Variants in CNTNAP2 observed in about 807,000 individuals in gnomAD.
CNTNAP2 encodes the protein contactin-associated protein-like 2.
In CNTNAP2, 98 loss-of-function variants were observed where a neutral mutation model predicts 155.2. The ratio of observed to expected loss-of-function variants is 0.63; its 90% CI spans 0.54 to 0.75. The LOEUF (loss-of-function observed/expected upper bound fraction) is 0.75, where lower values mean the gene tolerates loss of function less well. Among genes scored for constraint, CNTNAP2 ranks in the 30% least tolerant of loss-of-function variants. CNTNAP2 has a pLI of 0.00. For synonymous variants in CNTNAP2, 651 were observed against 631.2 expected (o/e 1.03, Z -0.47); for missense variants, 1,727 against 1,688.1 (o/e 1.02, Z -0.40).
At chr7:146,345,796 G>T (rs548920871) in intron 1 of CNTNAP2, among the ~76,000 whole-genome samples, 2 of 152,222 alleles carry the variant, frequency 1.3e-5, no homozygotes, top group East Asian at 1.9e-4. Flanking sequence ...AAATGTAAAG[G>T]GTAAATGAAG....
At chr7:147,057,092 A>AC (rs1474777505) in intron 4 of CNTNAP2, among the ~76,000 whole-genome samples, 1 of 152,028 alleles carries the variant, frequency 6.6e-6, no homozygotes, top group Non-Finnish European at 1.5e-5. Context: ...GAGCCACTGC[A>AC]CCAGGCCAAG....
chr7:147,333,207 G>A (rs1404701), intron 9 of CNTNAP2, among the ~76,000 whole-genome samples: 28,842 of 152,066 alleles, frequency 0.19, 2,974 homozygotes, highest in South Asian at 0.36. Flanking sequence ...TAAAGTTCCT[G>A]TTCCAGAGAA....
chr7:146,247,573 A>G (rs1455982038), intron 1 of CNTNAP2, among the ~76,000 whole-genome samples: 2 of 152,200 alleles, frequency 1.3e-5, no homozygotes, highest in East Asian at 3.9e-4. Flanking sequence ...ATGCACTGAC[A>G]TGTAAAAGAG....
In CNTNAP2 at chr7:147,693,531, G is replaced by A. The variant is rs757797671; in HGVS notation, c.2098+54225G>A. 2.2e-4 allele frequency among the ~76,000 whole-genome samples: 34 copies of A among 151,572 alleles called. 2 individuals carry two copies. The highest frequency in any genetic ancestry group is 6.6e-5 in the Admixed American group (1 of 15,220). On this transcript the variant is annotated intron_variant, in intron 13 of 23. Transcript: ENST00000361727. Reference sequence around the variant, plus strand: ...CTCATCAGAGTTTTATAGTTTTCCTGTTATAGCTCTTGTGCATATTTTGTT... The same window carrying A: ...CTCATCAGAGTTTTATAGTTTTCCTATTATAGCTCTTGTGCATATTTTGTT...
chr7:147,983,949 G>A (rs1297167929), intron 15 of CNTNAP2, among the ~76,000 whole-genome samples: 1 of 152,144 alleles, frequency 6.6e-6, no homozygotes, highest in Non-Finnish European at 1.5e-5. Context: ...ATCTAGTTAT[G>A]TTGATAGAGA....
chr7:147,898,961 C>T (rs530236321), intron 13 of CNTNAP2, among the ~76,000 whole-genome samples: 1 of 85,994 alleles, frequency 1.2e-5, no homozygotes, highest in East Asian at 3.2e-4. Flanking sequence ...TCACATATTG[C>T]AAAATGTCTT....
intron 18 of CNTNAP2, among the ~76,000 whole-genome samples, chr7:148,189,726 G>A (rs1417961308): frequency 6.6e-6 from 1 of 152,208 alleles, no homozygotes; most frequent in African/African-American, 2.4e-5. Context: ...AAAATGGACT[G>A]AGACAGGCTG....
At chr7:147,272,477 A>G (rs951675849) in intron 8 of CNTNAP2, among the ~76,000 whole-genome samples, 3 of 152,048 alleles carry the variant, frequency 2.0e-5, no homozygotes, top group Non-Finnish European at 4.4e-5. Flanking sequence ...CCTTCAGCCT[A>G]TGCTTTTCTC....
chr7:146,774,522 T>C, intron 2 of CNTNAP2, 141 bp downstream of exon 2: 1 of 658,088 alleles, frequency 1.5e-6, no homozygotes. Context: ...AAAAGATCCA[T>C]AGATGCCATT....
intron 1 of CNTNAP2, among the ~76,000 whole-genome samples, chr7:146,444,496 A>C (rs2129120605): frequency 6.6e-6 from 1 of 152,246 alleles, no homozygotes; most frequent in Non-Finnish European, 1.5e-5. Flanking sequence ...CCTGGACTGG[A>C]TACATCTGCT....
chr7:146,293,399 A>G (rs1284955621), intron 1 of CNTNAP2, among the ~76,000 whole-genome samples: 1 of 152,222 alleles, frequency 6.6e-6, no homozygotes, highest in Non-Finnish European at 1.5e-5. Context: ...TATAATTAAT[A>G]GTTTGACCTA....
intron 1 of CNTNAP2, chr7:146,311,698 GAAAT>G (rs561340576): frequency 0.037 from 5,409 of 147,360 alleles, 133 homozygotes; most frequent in Non-Finnish European, 0.052. Context: ...AGAAAAGAAA[GAAAT>G]AAAGAAAGAA....
intron 15 of CNTNAP2, among the ~76,000 whole-genome samples, chr7:148,082,858 T>C (rs1387976513): frequency 6.6e-6 from 1 of 152,084 alleles, no homozygotes; most frequent in East Asian, 1.9e-4. Context: ...TTTGTATTTT[T>C]AGTAGAGATG....
chr7:148,091,710 A>T (rs1803844689), intron 15 of CNTNAP2, among the ~76,000 whole-genome samples: 1 of 152,200 alleles, frequency 6.6e-6, no homozygotes, highest in Non-Finnish European at 1.5e-5. Context: ...CATACCATTT[A>T]TCAGCATGTC....
intron 1 of CNTNAP2, among the ~76,000 whole-genome samples, chr7:146,168,976 C>T (rs1798351665): frequency 6.6e-6 from 1 of 152,186 alleles, no homozygotes; most frequent in Non-Finnish European, 1.5e-5. Context: ...CAGCTCCAGC[C>T]GCAGTGGCCT....
chr7:147,449,816 A>G (rs1797800439), intron 10 of CNTNAP2, among the ~76,000 whole-genome samples: 1 of 152,354 alleles, frequency 6.6e-6, no homozygotes, highest in African/African-American at 2.4e-5. Context: ...TTAGAAATTC[A>G]GATGTGAAAA....
In CNTNAP2 at chr7:148,137,471, C is replaced by A. The variant is rs184266683; in HGVS notation, c.2555-10020C>A. On this transcript the variant is annotated intron_variant, in intron 16 of 23. Coordinates refer to ENST00000361727, the MANE Select transcript of CNTNAP2 (RefSeq NM_014141.6). ...GTTCAGGAGTTCGAGACCAGCCTGG[C>A]CAACATGGCAAAACCCCATCTCTAC... Among the ~76,000 whole-genome samples, 574 of 152,236 alleles carry A rather than the reference C, an allele frequency of 3.8e-3. 2 individuals carry two copies. Among genetic ancestry groups the A allele is most frequent in the African/African-American group, 0.012 (512 of 41,540 alleles).
At chr7:147,725,878 G>A (rs1179494786) in intron 13 of CNTNAP2, among the ~76,000 whole-genome samples, 2 of 152,036 alleles carry the variant, frequency 1.3e-5, no homozygotes, top group East Asian at 1.9e-4. Flanking sequence ...GGAACTAGGA[G>A]GAGGTGGCTT....
At chr7:148,325,350 CATAGATTTA>C (rs142322225) in intron 21 of CNTNAP2, among the ~76,000 whole-genome samples, 2,135 of 152,296 alleles carry the variant, frequency 0.014, 54 homozygotes, top group African/African-American at 0.048. Context: ...GATGGAAAAG[CATAGATTTA>C]ATCTGAGATT....
Sources: allele counts gnomAD v4.1 joint callset (sites outside exome capture counted in the v4.1 genomes callset), GRCh38; gene constraint gnomAD v4.1.1; transcripts MANE v1.5; gene names NCBI Gene and HGNC (gene_info 2026-07-23, HGNC 2026-07-21).